Variants in DGLUCY observed in about 807,000 individuals in gnomAD.
DGLUCY encodes D-glutamate cyclase, also known as D-glutamate cyclase, mitochondrial.
DGLUCY carries 58 observed loss-of-function variants against 58.5 expected under a neutral mutation model. The ratio of observed to expected loss-of-function variants is 0.99; its 90% CI spans 0.80 to 1.23. The LOEUF (loss-of-function observed/expected upper bound fraction) is 1.23. Among genes scored for constraint, DGLUCY ranks in the 50% most tolerant of loss-of-function variants. The pLI, the probability that DGLUCY is intolerant of heterozygous loss-of-function variation, is 0.00. For synonymous variants in DGLUCY, 325 were observed against 314.1 expected (o/e 1.03, Z -0.37); for missense variants, 779 against 784.7 (o/e 0.99, Z 0.09).
chr14:91,196,884 TGTATA>T (rs2050253341), intron 10 of DGLUCY, among the ~76,000 whole-genome samples: 1 of 152,126 alleles, frequency 6.6e-6, no homozygotes, highest in Admixed American at 6.6e-5. Flanking sequence ...TTGTATATCT[TGTATA>T]GTAATGGCAA....
In DGLUCY at chr14:91,219,111, C is replaced by T. The variant is rs145710256; in HGVS notation, c.1716+3555C>T. Among the ~76,000 whole-genome samples, 704 of 151,444 alleles carry T rather than the reference C, an allele frequency of 4.6e-3. 4 individuals are homozygous for T. Among genetic ancestry groups the T allele is most frequent in the African/African-American group, 0.016 (647 of 41,274 alleles). On this transcript the variant is annotated intron_variant, in intron 13 of 13. Transcript: ENST00000256324. ...ATGAGAATCACTTAAACTCGGGAGGCGGAGGTTGCAGTGAGCCATGATGAC... is the reference window on the plus strand; with the variant it reads ...ATGAGAATCACTTAAACTCGGGAGGTGGAGGTTGCAGTGAGCCATGATGAC...
At chr14:91,179,756 A>T (rs1231377947) in intron 7 of DGLUCY, among the ~76,000 whole-genome samples, 3 of 152,094 alleles carry the variant, frequency 2.0e-5, no homozygotes, top group Non-Finnish European at 2.9e-5. Context: ...GTCTCCAAAA[A>T]AAAAAAAATA....
chr14:91,091,294 G>A (rs2044307340), intron 1 of DGLUCY, among the ~76,000 whole-genome samples: 1 of 152,162 alleles, frequency 6.6e-6, no homozygotes, highest in Non-Finnish European at 1.5e-5. Context: ...GCCGAGGTGG[G>A]TGGGTCACTT....
rs548666655 is a variant in DGLUCY at position 91,160,091 on chromosome 14, AAGG to A, written c.-29-172_-29-170del. Among the ~76,000 whole-genome samples the A allele has an allele frequency of 4.0e-4, 61 of 152,324 alleles. No individual in the cohort carries two copies. In the East Asian group the frequency reaches 0.01, roughly 25 times the overall value. ...TTGCGTTAGGAATTTCTCATCAGAA[AAGG>A]AGATGTGACGGGGGAGAATGGATTC... is the stretch of plus-strand genomic sequence containing the variant. On this transcript the variant is annotated intron_variant, in intron 2 of 13. Transcript: ENST00000256324.
intron 1 of DGLUCY, among the ~76,000 whole-genome samples, chr14:91,090,895 G>A (rs1032809089): frequency 2.0e-5 from 3 of 152,146 alleles, no homozygotes; most frequent in South Asian, 2.1e-4. Flanking sequence ...CCTGCAGGGC[G>A]AATCCACCCA....
At chr14:91,141,710 C>T (rs1299409707) in intron 1 of DGLUCY, among the ~76,000 whole-genome samples, 1 of 151,630 alleles carries the variant, frequency 6.6e-6, no homozygotes, top group African/African-American at 2.4e-5. Flanking sequence ...CACCACTGCA[C>T]CCAGCTAACT....
rs750667196 is a variant in DGLUCY, at chr14:91,224,845, C to T, written c.*12C>T. 5.0e-6 allele frequency: 8 copies of T among 1,595,896 alleles called. No homozygotes were observed. In the South Asian group the frequency reaches 8.9e-5, roughly 18 times the overall value. On this transcript the variant is annotated 3_prime_UTR_variant, in exon 14 of 14. Transcript: ENST00000256324. ...CGGCACAGGTGTAACCGTCCATGTT[C>T]CGTGTGAGCAGAGTCCCTACCAACG...
upstream of DGLUCY, among the ~76,000 whole-genome samples, chr14:91,106,668 C>G (rs559651722): frequency 1.2e-4 from 18 of 148,778 alleles, no homozygotes; most frequent in South Asian, 1.9e-3. Flanking sequence ...GATTGCTCCA[C>G]TGCACTCCAG....
intron 9 of DGLUCY, among the ~76,000 whole-genome samples, chr14:91,195,958 C>T (rs2050180207): frequency 6.6e-6 from 1 of 152,126 alleles, no homozygotes; most frequent in Admixed American, 6.5e-5. Flanking sequence ...GCATGAGGCA[C>T]CCGTGCCCAG....
chr14:91,224,856 G>T lies in DGLUCY; in HGVS notation c.*23G>T. 6.3e-7 allele frequency: 1 copy of T among 1,578,598 alleles called. No individual in the cohort carries two copies. The highest frequency in any genetic ancestry group is 8.7e-7 in the Non-Finnish European group (1 of 1,154,758). ...TAACCGTCCATGTTCCGTGTGAGCAGAGTCCCTACCAACGGGCAGGTCTGC... is the reference window on the plus strand; with the variant it reads ...TAACCGTCCATGTTCCGTGTGAGCATAGTCCCTACCAACGGGCAGGTCTGC... On this transcript the variant is annotated 3_prime_UTR_variant, in exon 14 of 14. Transcript: ENST00000256324.
upstream of DGLUCY, among the ~76,000 whole-genome samples, chr14:91,105,847 A>T (rs2044578716): frequency 6.6e-6 from 1 of 152,214 alleles, no homozygotes; most frequent in African/African-American, 2.4e-5. Flanking sequence ...GGCATAGGCT[A>T]CGACACATCT....
rs2048500945 is a variant in DGLUCY at position 91,170,205 on chromosome 14, G to A, written c.456+4G>A. 2 of 1,612,740 alleles carry A rather than the reference G, an allele frequency of 1.2e-6. No homozygotes were observed. Among genetic ancestry groups the A allele is most frequent in the Non-Finnish European group, 1.7e-6 (2 of 1,179,402 alleles). On this transcript the variant is annotated splice_donor_region_variant and intron_variant, in intron 5 of 13. Coordinates refer to ENST00000256324, the MANE Select transcript of DGLUCY (RefSeq NM_001102368.3). ...CAGCCAGGCGGGTGCATACAAGGTA[G>A]GGACACAGCCCACAGCCCACAAGGG... is the stretch of plus-strand genomic sequence containing the variant.
chr14:91,112,201 A>T (rs561278648), upstream of DGLUCY, among the ~76,000 whole-genome samples: 1 of 150,660 alleles, frequency 6.6e-6, no homozygotes, highest in Admixed American at 6.7e-5. Context: ...GTGAGCCAAC[A>T]CCGCACCATT....
At chr14:91,151,653 CTTTTCT>C (rs2047344592) in intron 1 of DGLUCY, among the ~76,000 whole-genome samples, 1 of 145,774 alleles carries the variant, frequency 6.9e-6, no homozygotes, top group African/African-American at 2.5e-5. Flanking sequence ...TTTTTCTTTT[CTTTTCT>C]TTTTTTTTTT....
At chr14:91,143,535 G>A (rs571335078) in intron 1 of DGLUCY, among the ~76,000 whole-genome samples, 7 of 152,302 alleles carry the variant, frequency 4.6e-5, no homozygotes, top group South Asian at 4.1e-4. Flanking sequence ...GTCTCCAACC[G>A]TTTCTCCACA....
Position 91,199,851 on chromosome 14 carries a change from C to T in DGLUCY, c.1390C>T (p.Pro464Ser), listed in dbSNP as rs1279842674. The change falls in exon 11 of 14, where the codon CCC (proline) becomes TCC (serine). Residue 464 changes from proline to serine, a missense_variant. Physicochemically the swap from Pro to Ser is moderately conservative, Grantham distance 74. Transcript: ENST00000256324. ...GATGAACATCAAGCACTTGGTTGACCCCATTGACGATCTTTTTCTTGCTGC... is the reference window on the plus strand; with the variant it reads ...GATGAACATCAAGCACTTGGTTGACTCCATTGACGATCTTTTTCTTGCTGC... The part of the protein sequence containing the change: ...RKMNIKHLVD[P>S]IDDLFLAAKK... The T allele has an allele frequency of 1.9e-6, 3 of 1,613,968 alleles. No individual in the cohort carries two copies. The Admixed American group carries it at 5.0e-5, about 27-fold the overall frequency.
chr14:91,179,110 G>A (rs946969595), intron 7 of DGLUCY, among the ~76,000 whole-genome samples: 6 of 152,154 alleles, frequency 3.9e-5, no homozygotes, highest in Non-Finnish European at 7.3e-5. Flanking sequence ...CCTATTATGC[G>A]CAAGGCCCTC....
chr14:91,185,270 G>GGTTTTTTT (rs2049435056), intron 8 of DGLUCY, among the ~76,000 whole-genome samples: 1 of 80,664 alleles, frequency 1.2e-5, no homozygotes, highest in African/African-American at 5.1e-5. Context: ...TGCCCAGCCG[G>GGTTTTTTT]ATTTTTTTTT....
chr14:91,063,491 C>T (rs2043766855), intron 1 of DGLUCY, among the ~76,000 whole-genome samples: 1 of 152,186 alleles, frequency 6.6e-6, no homozygotes, highest in African/African-American at 2.4e-5. Flanking sequence ...CCACTTAATT[C>T]TTTAAGGAGC....
Sources: gnomAD v4.1 joint callset for allele counts (sites outside exome capture counted in the v4.1 genomes callset) on GRCh38, gnomAD v4.1.1 for gene constraint, MANE v1.5 for transcripts, NCBI Gene and HGNC (gene_info 2026-07-23, HGNC 2026-07-21) for gene names.